Variants in KLHL13 observed in about 807,000 individuals in gnomAD.
KLHL13 encodes kelch-like protein 13.
A neutral mutation model predicts 37.1 loss-of-function variants in KLHL13; 10 were observed. That is an observed-to-expected ratio of 0.27 (90% CI 0.17 to 0.46). The LOEUF (loss-of-function observed/expected upper bound fraction) is 0.46, where lower values mean the gene tolerates loss of function less well. Ranked by LOEUF, KLHL13 falls within the 20% of genes least tolerant of loss-of-function variation. The probability of loss-of-function intolerance (pLI) is 1.00; values close to 1 mark genes in which losing one functional copy is unlikely to be tolerated. For synonymous variants in KLHL13, 163 were observed against 181.2 expected, an observed-to-expected ratio of 0.90 and a Z score of 0.81; for missense variants, 360 against 509.3, an observed-to-expected ratio of 0.71 and a Z score of 2.82.
At chrX:117,920,207 T>C (rs768666651) in intron 3 of KLHL13, 31 bp downstream of exon 4, 1 of 1,178,947 alleles carries the variant, frequency 8.5e-7, no homozygotes, top group Admixed American at 2.3e-5. Context: ...ATTGTTTTAA[T>C]GTGGTTTCAG....
intron 1 of KLHL13, among the ~76,000 whole-genome samples, chrX:118,032,650 G>A (rs943173296): frequency 1.8e-5 from 2 of 112,121 alleles, no homozygotes; most frequent in African/African-American, 6.5e-5. Context: ...AAAAAACAGA[G>A]CAGAAAAACT....
chrX:118,024,698 C>A (rs981784394), intron 1 of KLHL13, among the ~76,000 whole-genome samples: 1 of 111,484 alleles, frequency 9.0e-6, no homozygotes, highest in Non-Finnish European at 1.9e-5. Context: ...TACTACACAC[C>A]CACAGAATGG....
chrX:117,994,002 C>A (rs2147952006), intron 1 of KLHL13, among the ~76,000 whole-genome samples: 1 of 111,196 alleles, frequency 9.0e-6, no homozygotes, highest in African/African-American at 3.3e-5. Flanking sequence ...TCCCAAAGTG[C>A]TGGGATTACA....
chrX:118,057,992 A>C (rs1003322663), intron 1 of KLHL13, among the ~76,000 whole-genome samples: 6 of 111,791 alleles, frequency 5.4e-5, no homozygotes, highest in African/African-American at 1.6e-4. Flanking sequence ...AAAATGATGA[A>C]TACAAAGAGA....
chrX:118,037,882 G>A (rs984848574), intron 1 of KLHL13, among the ~76,000 whole-genome samples: 7 of 111,906 alleles, frequency 6.3e-5, no homozygotes, highest in Non-Finnish European at 1.3e-4. Flanking sequence ...CAATGTCTAT[G>A]AGGATAGCCA....
At chrX:118,098,967 A>C (rs1385687962) in intron 1 of KLHL13, among the ~76,000 whole-genome samples, 1 of 14,958 alleles carries the variant, frequency 6.7e-5, no homozygotes, top group East Asian at 2.3e-3. Flanking sequence ...GAGGGGGGAG[A>C]GGGGAGGGGG....
rs186341189 is a variant in KLHL13 at position 118,053,191 on chromosome X, G to A, written c.-56+63317C>T. ...TGCTGCTATAAAGACGCATGCACAC[G>A]TATATTTATTGCAGCACTATTCACA... On this transcript the variant is annotated intron_variant, in intron 1 of 6. Transcript: ENST00000371882. Among the ~76,000 whole-genome samples the A allele has an allele frequency of 2.0e-4, 22 of 112,088 alleles. No homozygotes were observed. The East Asian group carries it at 5.0e-3, about 26-fold the overall frequency.
chrX:117,989,129 C>T (rs908545445), intron 1 of KLHL13, among the ~76,000 whole-genome samples: 1 of 111,711 alleles, frequency 9.0e-6, no homozygotes. Context: ...TCCAGATACT[C>T]CACAAAGTAT....
chrX:118,057,895 T>C (rs764867794), intron 1 of KLHL13, among the ~76,000 whole-genome samples: 27 of 110,393 alleles, frequency 2.4e-4, no homozygotes, highest in African/African-American at 8.2e-4. Context: ...TGACAATAAA[T>C]TATATGTAAG....
intron 1 of KLHL13, among the ~76,000 whole-genome samples, chrX:118,047,316 C>G (rs1431743962): frequency 1.8e-5 from 2 of 111,862 alleles, no homozygotes; most frequent in African/African-American, 3.2e-5. Context: ...TATCAGAAAT[C>G]ATAACAGACT....
chrX:118,074,473 T>G (rs765926443), intron 1 of KLHL13, among the ~76,000 whole-genome samples: 1 of 111,672 alleles, frequency 9.0e-6, no homozygotes, highest in Non-Finnish European at 1.9e-5. Flanking sequence ...GCCAGGAAAT[T>G]TTCCATGGAT....
intron 1 of KLHL13, among the ~76,000 whole-genome samples, chrX:118,038,640 A>G (rs1322086012): frequency 2.7e-5 from 3 of 111,782 alleles, no homozygotes; most frequent in African/African-American, 3.3e-5. Flanking sequence ...GCTTATCCCA[A>G]TGATTAGAAC....
At chrX:118,014,226 C>G (rs1044359769) in intron 1 of KLHL13, among the ~76,000 whole-genome samples, 1 of 111,534 alleles carries the variant, frequency 9.0e-6, no homozygotes, top group African/African-American at 3.3e-5. Flanking sequence ...TCACTGAATT[C>G]TTTTCCCAGC....
intron 1 of KLHL13, among the ~76,000 whole-genome samples, chrX:118,039,818 T>G (rs764628313): frequency 1.8e-5 from 2 of 111,498 alleles, no homozygotes; most frequent in Admixed American, 1.9e-4. Context: ...TGGGACCCAG[T>G]GCAGTCCCAG....
chrX:118,028,614 C>T (rs1489989207), intron 1 of KLHL13, 117 bp from the exon 2 acceptor site: 3 of 338,994 alleles, frequency 8.8e-6, no homozygotes, highest in Admixed American at 9.8e-5. Context: ...AAAATGTATG[C>T]CCCTGTACTT....
At chrX:117,945,051 A>G (rs1933252050) in intron 2 of KLHL13, among the ~76,000 whole-genome samples, 1 of 111,551 alleles carries the variant, frequency 9.0e-6, no homozygotes, top group South Asian at 3.8e-4. Context: ...CAGTGTAGGG[A>G]CCTTGTAATA....
intron 2 of KLHL13, among the ~76,000 whole-genome samples, chrX:117,943,897 G>A (rs902718498): frequency 5.4e-5 from 6 of 110,385 alleles, no homozygotes; most frequent in Non-Finnish European, 1.1e-4. Context: ...TCCTTTGGAG[G>A]AGAAGAGGTG....
chrX:117,972,863 C>T (rs757947333), exon 1 of KLHL13: 10 of 1,202,091 alleles, frequency 8.3e-6, no homozygotes, highest in African/African-American at 5.2e-5. Context: ...CAGTAAAGAG[C>T]GTTTCCATAA....
intron 1 of KLHL13, among the ~76,000 whole-genome samples, chrX:118,099,436 T>C (rs2055257444): frequency 8.9e-6 from 1 of 111,765 alleles, no homozygotes; most frequent in African/African-American, 3.3e-5. Flanking sequence ...AGCTATAAAC[T>C]TATAGACTTT....
Sources: gnomAD v4.1 joint callset for allele counts (sites outside exome capture counted in the v4.1 genomes callset) on GRCh38, gnomAD v4.1.1 for gene constraint, MANE v1.5 for transcripts, NCBI Gene and HGNC (gene_info 2026-07-23, HGNC 2026-07-21) for gene names.